The following VAPA variants were observed in gnomAD, a reference collection of about 807,000 sequenced individuals.
The protein encoded by VAPA is VAMP associated protein A, also known as vesicle-associated membrane protein-associated protein A.
Under a neutral mutation model 25.6 loss-of-function variants are expected in VAPA, and 6 were observed. The observed-to-expected ratio is 0.23, with a 90% CI of 0.13 to 0.46. VAPA has a LOEUF of 0.46. VAPA is among the 20% of genes least tolerant of loss of function. VAPA has a pLI of 0.99. For missense variants in VAPA, 244 were observed against 302.1 expected (o/e 0.81, Z 1.43); for synonymous variants, 112 against 106.2 (o/e 1.05, Z -0.34).
chr18:9,934,139 A>G (rs1445148830), intron 2 of VAPA, among the ~76,000 whole-genome samples: 2 of 152,202 alleles, frequency 1.3e-5, no homozygotes, highest in African/African-American at 4.8e-5. Context: ...TTCCATTTAC[A>G]GTCACTCAAA....
chr18:9,914,691 T>A (rs1470866983), intron 1 of VAPA: 1 of 151,330 alleles, frequency 6.6e-6, no homozygotes, highest in Non-Finnish European at 1.5e-5. Flanking sequence ...CCCGCGTCCT[T>A]GGCCCCAGAG....
In VAPA at chr18:9,956,213, C is replaced by T. The variant is rs889681416; in HGVS notation, c.*2002C>T. 8.5e-5 allele frequency: 13 copies of T among 152,142 alleles called. No homozygotes were observed. Among genetic ancestry groups the T allele is most frequent in the Admixed American group, 7.9e-4 (12 of 15,276 alleles). The allele number at this position is 152,142 out of a possible 1,614,324, so 9.4% of individuals were successfully genotyped here. On this transcript the variant is annotated 3_prime_UTR_variant, in exon 6 of 6. Transcript: ENST00000400000. ...CCCGTGTCTCACAGGTAGGTAGAGG[C>T]AGAGCTGGAACTAGATATCTGGTCT...
intron 4 of VAPA, among the ~76,000 whole-genome samples, chr18:9,942,508 G>A (rs1326406695): frequency 3.9e-5 from 6 of 151,928 alleles, no homozygotes; most frequent in East Asian, 3.9e-4. Flanking sequence ...AAAGAAGTAC[G>A]CTGGTATTTA....
intron 1 of VAPA, among the ~76,000 whole-genome samples, chr18:9,915,379 G>T (rs909549698): frequency 2.6e-5 from 4 of 152,188 alleles, no homozygotes; most frequent in Non-Finnish European, 5.9e-5. Flanking sequence ...GGGGCTTTTG[G>T]TCGGTTTCCT....
chr18:9,957,451 A>G lies in VAPA; in HGVS notation c.*3240A>G, dbSNP rs2069563017. 1.3e-5 allele frequency: 2 copies of G among 152,198 alleles called. No individual in the cohort carries two copies. 9.4% of individuals were successfully genotyped at this position (152,198 alleles called of 1,614,324 possible). On this transcript the variant is annotated 3_prime_UTR_variant, in exon 6 of 6. Coordinates refer to ENST00000400000, the MANE Select transcript of VAPA (RefSeq NM_194434.3). ...AAAACAAGTTTTAACAGTAGGGTAA[A>G]AATATAGTTTTTGAGGGTATTCCCA... is the stretch of plus-strand genomic sequence containing the variant.
chr18:9,943,477 C>G (rs1421389760), intron 4 of VAPA, among the ~76,000 whole-genome samples: 3 of 152,096 alleles, frequency 2.0e-5, no homozygotes, highest in Non-Finnish European at 4.4e-5. Flanking sequence ...GTTAATGGCC[C>G]CTAGTGTCTT....
chr18:9,935,464 T>G (rs529709325), intron 2 of VAPA, among the ~76,000 whole-genome samples: 39 of 152,198 alleles, frequency 2.6e-4, no homozygotes, highest in African/African-American at 9.1e-4. Flanking sequence ...GTCTTAGCTA[T>G]TTAGGAGCCT....
chr18:9,936,888 C>T (rs1014061683), intron 3 of VAPA, 98 bp from the exon 4 acceptor site: 1 of 982,854 alleles, frequency 1.0e-6, no homozygotes, highest in South Asian at 1.5e-5. Flanking sequence ...TCAGCCAAGC[C>T]AGGCAGCTTC....
intron 4 of VAPA, 165 bp from the exon 5 acceptor site, chr18:9,950,230 G>A (rs1377550728): frequency 4.8e-6 from 3 of 625,526 alleles, no homozygotes; most frequent in Non-Finnish European, 8.2e-6. Context: ...TGGGAATAGA[G>A]GGAGTGGGCT....
chr18:9,915,287 C>T (rs1021588973), intron 1 of VAPA, among the ~76,000 whole-genome samples: 2 of 152,214 alleles, frequency 1.3e-5, no homozygotes, highest in African/African-American at 4.8e-5. Flanking sequence ...AGGTGTCACC[C>T]AGCTCTGGAA....
At chr18:9,930,961 T>C (rs1394624995) in intron 1 of VAPA, among the ~76,000 whole-genome samples, 2 of 152,172 alleles carry the variant, frequency 1.3e-5, no homozygotes, top group African/African-American at 4.8e-5. Flanking sequence ...ATTCTTAAGA[T>C]TGAAATAAAG....
chr18:9,914,098 G>A lies in VAPA; in HGVS notation c.-159G>A. The A allele has an allele frequency of 1.8e-6, 1 of 558,156 alleles. No homozygotes were observed. Among genetic ancestry groups the A allele is most frequent in the Non-Finnish European group, 3.1e-6 (1 of 324,822 alleles). 34.6% of individuals were successfully genotyped at this position (558,156 alleles called of 1,614,324 possible). On this transcript the variant is annotated 5_prime_UTR_variant, in exon 1 of 6. Coordinates refer to ENST00000400000, the MANE Select transcript of VAPA (RefSeq NM_194434.3). ...ACCCGGAGCTGCTGACCCAGCGGGT[G>A]GCCCACCGAACCGGTGACACAGCGG...
At chr18:9,940,250 G>A (rs548990401) in intron 4 of VAPA, among the ~76,000 whole-genome samples, 2 of 152,142 alleles carry the variant, frequency 1.3e-5, no homozygotes, top group African/African-American at 2.4e-5. Context: ...AAATTGCCTG[G>A]TAAGGAGACT....
chr18:9,953,135 C>T (rs978706649), intron 5 of VAPA, among the ~76,000 whole-genome samples: 2 of 152,350 alleles, frequency 1.3e-5, no homozygotes, highest in Middle Eastern at 3.4e-3. Context: ...AGTGTCATAA[C>T]AACCTCCTGC....
At chr18:9,937,828 A>G (rs748491633) in intron 4 of VAPA, among the ~76,000 whole-genome samples, 1 of 152,140 alleles carries the variant, frequency 6.6e-6, no homozygotes, top group Non-Finnish European at 1.5e-5. Context: ...TGACATGACT[A>G]CTGCCTTAAT....
rs374617893 is a variant in VAPA at position 9,936,913 on chromosome 18, T to C, written c.337-73T>C. On this transcript the variant is annotated intron_variant, in intron 3 of 5. Transcript: ENST00000400000. ...CAGGCAGCTTCACTCATCTTTTAGC[T>C]GTCCCGTGAGGTGAAACTTACTTAC... is the stretch of plus-strand genomic sequence containing the variant. The C allele has an allele frequency of 6.8e-6, 9 of 1,318,806 alleles. No individual in the cohort carries two copies. In the African/African-American group the frequency reaches 1.0e-4, roughly 15 times the overall value. The allele number at this position is 1,318,806 out of a possible 1,614,324, so 81.7% of individuals were successfully genotyped here.
At chr18:9,918,741 C>A (rs528905662) in intron 1 of VAPA, among the ~76,000 whole-genome samples, 41 of 152,240 alleles carry the variant, frequency 2.7e-4, no homozygotes, top group African/African-American at 8.9e-4. Flanking sequence ...TATTGCTACA[C>A]CCCCAAGTCT....
At chr18:9,925,426 A>G (rs184581694) in intron 1 of VAPA, among the ~76,000 whole-genome samples, 7 of 152,198 alleles carry the variant, frequency 4.6e-5, no homozygotes, top group African/African-American at 1.4e-4. Context: ...TTATGAAGAG[A>G]TATGTTTTAG....
intron 4 of VAPA, among the ~76,000 whole-genome samples, chr18:9,947,314 G>A (rs2069435818): frequency 6.6e-6 from 1 of 152,138 alleles, no homozygotes; most frequent in African/African-American, 2.4e-5. Context: ...TATATGACTG[G>A]AGTACAGTAT....
Sources: gnomAD v4.1 joint callset for allele counts (sites outside exome capture counted in the v4.1 genomes callset) on GRCh38, gnomAD v4.1.1 for gene constraint, MANE v1.5 for transcripts, NCBI Gene and HGNC (gene_info 2026-07-23, HGNC 2026-07-21) for gene names.